TGFBR3: variants seen among roughly 807,000 people sequenced by gnomAD.
TGFBR3 encodes transforming growth factor beta receptor 3.
A neutral mutation model predicts 87.9 loss-of-function variants in TGFBR3; 46 were observed. The observed-to-expected ratio is 0.52, with a 90% CI of 0.41 to 0.67. The LOEUF (loss-of-function observed/expected upper bound fraction) is 0.67. Ranked by LOEUF, TGFBR3 falls within the 30% of genes least tolerant of loss-of-function variation. The pLI is 0.00. For missense variants in TGFBR3, 866 were observed against 1,041.9 expected (o/e 0.83, Z 2.32); for synonymous variants, 381 against 391.6 (o/e 0.97, Z 0.32).
intron 4 of TGFBR3, among the ~76,000 whole-genome samples, chr1:91,755,326 A>G (rs140352088): frequency 9.2e-5 from 14 of 152,270 alleles, no homozygotes; most frequent in Middle Eastern, 3.4e-3. Context: ...AAGCCTGCCC[A>G]AGGAGAGTGG....
intron 2 of TGFBR3, among the ~76,000 whole-genome samples, chr1:91,850,468 G>C (rs570802050): frequency 6.6e-6 from 1 of 152,162 alleles, no homozygotes; most frequent in African/African-American, 2.4e-5. Flanking sequence ...GCAGTCCAGC[G>C]GGGTCAATGA....
At chr1:91,723,478 C>CT (rs1194281904) in intron 7 of TGFBR3, among the ~76,000 whole-genome samples, 1 of 75,142 alleles carries the variant, frequency 1.3e-5, no homozygotes. Context: ...GAGACCCTGC[C>CT]TTAAAAAAAA....
rs144123987 is a variant in TGFBR3 at position 91,850,960 on chromosome 1, C to G, written c.61+10511G>C. On this transcript the variant is annotated intron_variant, in intron 2 of 16. Transcript: ENST00000212355. ...AATCTTCTGGACTAGGACGCAGTTA[C>G]TCAGGCATATGAGGACAAAAGGAAG... 6.2e-3 allele frequency among the ~76,000 whole-genome samples: 941 copies of G among 152,208 alleles called. 6 individuals are homozygous for G. Among genetic ancestry groups the G allele is most frequent in the Non-Finnish European group, 9.9e-3 (673 of 68,006 alleles).
intron 4 of TGFBR3, among the ~76,000 whole-genome samples, chr1:91,746,115 C>G (rs1337099319): frequency 6.6e-6 from 1 of 152,144 alleles, no homozygotes; most frequent in East Asian, 1.9e-4. Context: ...CATGTTTACA[C>G]ACGTCCAAGA....
intron 4 of TGFBR3, among the ~76,000 whole-genome samples, chr1:91,747,114 C>T (rs915729326): frequency 6.6e-6 from 1 of 152,226 alleles, no homozygotes; most frequent in Non-Finnish European, 1.5e-5. Context: ...CCAGATTACA[C>T]ACCTTTAGCA....
rs190242171 is a variant in TGFBR3 at position 91,824,915 on chromosome 1, G to T, written c.62-27444C>A. ...GCGGAGGCTGCAGTGAGCCAAGATC[G>T]CACTACTGCACTCCTGCCTGGGTGA... On this transcript the variant is annotated intron_variant, in intron 2 of 16. Transcript: ENST00000212355. 3.0e-3 allele frequency among the ~76,000 whole-genome samples: 462 copies of T among 152,246 alleles called. 2 individuals carry two copies. The highest frequency in any genetic ancestry group is 0.011 in the African/African-American group (452 of 41,532).
At chr1:91,785,494 A>G (rs1431320623) in intron 3 of TGFBR3, among the ~76,000 whole-genome samples, 1 of 152,220 alleles carries the variant, frequency 6.6e-6, no homozygotes, top group African/African-American at 2.4e-5. Flanking sequence ...TATGGTACGT[A>G]AATTATATCT....
intron 3 of TGFBR3, among the ~76,000 whole-genome samples, chr1:91,763,465 C>A (rs754470253): frequency 1.6e-4 from 25 of 152,198 alleles, no homozygotes; most frequent in Admixed American, 3.3e-4. Flanking sequence ...AAATAATTCT[C>A]TGAAATGGAT....
intron 2 of TGFBR3, among the ~76,000 whole-genome samples, chr1:91,805,403 A>G (rs1303618892): frequency 1.3e-5 from 2 of 152,218 alleles, no homozygotes; most frequent in African/African-American, 4.8e-5. Flanking sequence ...TTTGAACTGA[A>G]GTCAGGCTCT....
chr1:91,821,804 A>T (rs991708490), intron 2 of TGFBR3, among the ~76,000 whole-genome samples: 3 of 152,362 alleles, frequency 2.0e-5, no homozygotes, highest in South Asian at 4.1e-4. Flanking sequence ...AAATGAAGAC[A>T]TCTACACTTT....
chr1:91,697,743 A>C (rs747144315), intron 15 of TGFBR3, among the ~76,000 whole-genome samples: 1 of 152,322 alleles, frequency 6.6e-6, no homozygotes, highest in Middle Eastern at 3.4e-3. Context: ...AACCACTTCC[A>C]TGGCTGTATG....
chr1:91,735,772 A>G lies in TGFBR3; in HGVS notation c.385-813T>C, dbSNP rs116225454. On this transcript the variant is annotated intron_variant, in intron 4 of 16. Transcript: ENST00000212355. Reference sequence around the variant, plus strand: ...TCATCTTGTTGCTGTGCTATAATCAAATTTAGTTGCTGGTGAAAATATGTA... The same window carrying G: ...TCATCTTGTTGCTGTGCTATAATCAGATTTAGTTGCTGGTGAAAATATGTA... 9.8e-4 allele frequency among the ~76,000 whole-genome samples: 150 copies of G among 152,308 alleles called. 1 individual carries two copies. The highest frequency in any genetic ancestry group is 3.5e-3 in the African/African-American group (144 of 41,552).
chr1:91,716,789 T>A (rs1426732327), intron 10 of TGFBR3, 81 bp from the exon 11 acceptor site: 3 of 1,535,134 alleles, frequency 2.0e-6, no homozygotes, highest in Non-Finnish European at 2.7e-6. Context: ...CAAACACTCA[T>A]GTAATCATTC....
intron 4 of TGFBR3, among the ~76,000 whole-genome samples, chr1:91,749,864 G>A (rs932176166): frequency 1.3e-5 from 2 of 151,994 alleles, no homozygotes; most frequent in East Asian, 1.9e-4. Flanking sequence ...TTTTTCTACC[G>A]AACAGCTCTC....
At chr1:91,851,873 C>A in intron 2 of TGFBR3, among the ~76,000 whole-genome samples, 1 of 152,234 alleles carries the variant, frequency 6.6e-6, no homozygotes, top group East Asian at 1.9e-4. Flanking sequence ...TAGCAATAAT[C>A]TTACTCATTC....
intron 1 of TGFBR3, among the ~76,000 whole-genome samples, chr1:91,876,449 T>C (rs1678812042): frequency 6.6e-6 from 1 of 152,144 alleles, no homozygotes; most frequent in Non-Finnish European, 1.5e-5. Flanking sequence ...CCACACATCA[T>C]CCAAATGCTA....
intron 1 of TGFBR3, among the ~76,000 whole-genome samples, chr1:91,865,776 G>T (rs1012234034): frequency 2.6e-5 from 4 of 152,064 alleles, no homozygotes; most frequent in Non-Finnish European, 5.9e-5. Context: ...GCCGGGCGCG[G>T]TGGCAGGCAC....
chr1:91,793,577 G>C (rs1048866814), intron 3 of TGFBR3, among the ~76,000 whole-genome samples: 1 of 152,122 alleles, frequency 6.6e-6, no homozygotes, highest in Non-Finnish European at 1.5e-5. Flanking sequence ...GTCTGAGGCG[G>C]ACGGATCACT....
intron 2 of TGFBR3, among the ~76,000 whole-genome samples, chr1:91,814,434 A>G (rs1308710444): frequency 6.6e-6 from 1 of 152,142 alleles, no homozygotes; most frequent in African/African-American, 2.4e-5. Context: ...ACTTTTTTTT[A>G]ATCAAACAAG....
Sources: gnomAD v4.1 joint callset for allele counts (sites outside exome capture counted in the v4.1 genomes callset) on GRCh38, gnomAD v4.1.1 for gene constraint, MANE v1.5 for transcripts, NCBI Gene and HGNC (gene_info 2026-07-23, HGNC 2026-07-21) for gene names.